Variants in DNAL1 observed in about 807,000 individuals in gnomAD.
DNAL1 encodes the protein dynein axonemal light chain 1, also known as chromosome 14 open reading frame 168.
Under a neutral mutation model 29.4 loss-of-function variants are expected in DNAL1, and 17 were observed. That is an observed-to-expected ratio of 0.58 (90% CI 0.40 to 0.87). The LOEUF is 0.87. Ranked by LOEUF, DNAL1 falls within the 40% of genes least tolerant of loss-of-function variation. DNAL1 has a pLI of 0.00. For synonymous variants in DNAL1, 78 were observed against 76.3 expected, an observed-to-expected ratio of 1.02 and a Z score of -0.12; for missense variants, 188 against 214.1, an observed-to-expected ratio of 0.88 and a Z score of 0.76.
At chr14:73,676,083 T>TC (rs1299743530) in intron 5 of DNAL1, among the ~76,000 whole-genome samples, 1 of 150,452 alleles carries the variant, frequency 6.6e-6, no homozygotes, top group Non-Finnish European at 1.5e-5. Flanking sequence ...AAATTTTAAT[T>TC]CTAGGCCAGG....
chr14:73,683,369 G>A (rs1891937356), intron 5 of DNAL1, among the ~76,000 whole-genome samples: 1 of 152,120 alleles, frequency 6.6e-6, no homozygotes, highest in Non-Finnish European at 1.5e-5. Context: ...AAACTTGAAT[G>A]CCTTGTGCTA....
intron 4 of DNAL1, among the ~76,000 whole-genome samples, chr14:73,666,246 T>C (rs550742051): frequency 4.6e-5 from 7 of 152,174 alleles, no homozygotes; most frequent in Non-Finnish European, 1.0e-4. Context: ...AACAGGTGAT[T>C]TATCAGGCAG....
At chr14:73,659,313 C>T (rs111279530) in intron 3 of DNAL1, among the ~76,000 whole-genome samples, 1 of 151,872 alleles carries the variant, frequency 6.6e-6, no homozygotes, top group African/African-American at 2.4e-5. Flanking sequence ...AAGGCACATG[C>T]CACCACGCCC....
intron 7 of DNAL1, among the ~76,000 whole-genome samples, chr14:73,691,850 C>T (rs577659684): frequency 1.4e-4 from 19 of 138,026 alleles, no homozygotes; most frequent in African/African-American, 4.6e-4. Context: ...TGCGCCACCC[C>T]CCCCCCCCAG....
chr14:73,673,550 G>C (rs987344247), intron 5 of DNAL1, among the ~76,000 whole-genome samples: 1 of 152,046 alleles, frequency 6.6e-6, no homozygotes, highest in African/African-American at 2.4e-5. Flanking sequence ...TCTTTCCAGG[G>C]TGTAATGTGG....
rs1892365938 is a variant in DNAL1, at chr14:73,698,939, C to T, written c.*2997C>T. ...GTTCTCTGTTAATAAGAATTTGTTC[C>T]TTTAAACCAGAGGATCAACCTTGGA... On this transcript the variant is annotated 3_prime_UTR_variant, in exon 8 of 8. Transcript: ENST00000553645. 6.6e-6 allele frequency: 1 copy of T among 152,146 alleles called. No individual in the cohort carries two copies. The highest frequency in any genetic ancestry group is 2.4e-5 in the African/African-American group (1 of 41,418). 9.4% of individuals were successfully genotyped at this position (152,146 alleles called of 1,614,324 possible).
intron 1 of DNAL1, among the ~76,000 whole-genome samples, chr14:73,652,434 G>T (rs962761616): frequency 8.6e-5 from 13 of 151,804 alleles, no homozygotes. Context: ...GTGCCACCAC[G>T]GTCTAATTTT....
chr14:73,662,150 T>C, intron 4 of DNAL1, 108 bp downstream of exon 4: 1 of 910,130 alleles, frequency 1.1e-6, no homozygotes, highest in South Asian at 1.6e-5. Flanking sequence ...TAGCCATACT[T>C]GTTGTCAGAT....
chr14:73,661,264 T>A (rs182174934), intron 3 of DNAL1, among the ~76,000 whole-genome samples: 5 of 152,314 alleles, frequency 3.3e-5, no homozygotes, highest in Admixed American at 3.3e-4. Context: ...TTTGTTTTAG[T>A]GGCAGCTTAG....
chr14:73,684,244 T>C (rs1361595389), intron 5 of DNAL1, among the ~76,000 whole-genome samples: 1 of 152,236 alleles, frequency 6.6e-6, no homozygotes, highest in African/African-American at 2.4e-5. Flanking sequence ...TGAATAGTGC[T>C]GCAGTAAACA....
intron 5 of DNAL1, among the ~76,000 whole-genome samples, chr14:73,679,995 GTTTC>G (rs1459604826): frequency 6.6e-6 from 1 of 151,742 alleles, no homozygotes; most frequent in Non-Finnish European, 1.5e-5. Flanking sequence ...TGGATGGTCA[GTTTC>G]TTTCTGTTTG....
At chr14:73,645,251 G>A (rs1253572421) in intron 1 of DNAL1, among the ~76,000 whole-genome samples, 3 of 152,214 alleles carry the variant, frequency 2.0e-5, no homozygotes, top group Non-Finnish European at 2.9e-5. Flanking sequence ...TGGATCGGAG[G>A]TTGGGTTAAG....
At chr14:73,684,911 T>A (rs1891977918) in intron 5 of DNAL1, among the ~76,000 whole-genome samples, 1 of 146,828 alleles carries the variant, frequency 6.8e-6, no homozygotes, top group Non-Finnish European at 1.5e-5. Context: ...AAAAACAAAC[T>A]AAAAAAATAG....
chr14:73,660,528 A>C (rs1291583904), intron 3 of DNAL1, among the ~76,000 whole-genome samples: 2 of 152,234 alleles, frequency 1.3e-5, no homozygotes, highest in African/African-American at 2.4e-5. Flanking sequence ...TTATAGAAAC[A>C]GAATATTTGC....
intron 7 of DNAL1, among the ~76,000 whole-genome samples, chr14:73,693,824 CTGA>C (rs1212372646): frequency 6.6e-6 from 1 of 152,092 alleles, no homozygotes; most frequent in African/African-American, 2.4e-5. Flanking sequence ...TTTGGGGGTT[CTGA>C]TAATCTTTCT....
At chr14:73,671,696 G>A (rs1051254891) in intron 5 of DNAL1, 99 bp downstream of exon 5, 4 of 1,242,082 alleles carry the variant, frequency 3.2e-6, no homozygotes, top group Non-Finnish European at 4.2e-6. Flanking sequence ...TAGGTCAAAA[G>A]GTATCAGTTT....
intron 5 of DNAL1, among the ~76,000 whole-genome samples, chr14:73,685,643 T>C (rs148721178): frequency 0.015 from 2,249 of 151,974 alleles, 45 homozygotes; most frequent in South Asian, 0.11. Context: ...TATATTTTTA[T>C]TAGAGATGGG....
chr14:73,694,901 C>G (rs1892267024), intron 7 of DNAL1, among the ~76,000 whole-genome samples: 1 of 152,022 alleles, frequency 6.6e-6, no homozygotes, highest in African/African-American at 2.4e-5. Context: ...GTTCGCCAGG[C>G]TGGTCTCGAA....
chr14:73,652,419 G>T (rs1188365360), intron 1 of DNAL1, among the ~76,000 whole-genome samples: 2 of 151,892 alleles, frequency 1.3e-5, no homozygotes, highest in Admixed American at 6.6e-5. Context: ...GTGCCACCAC[G>T]CCCAGTGCCA....
Sources: gnomAD v4.1 joint callset for allele counts (sites outside exome capture counted in the v4.1 genomes callset) on GRCh38, gnomAD v4.1.1 for gene constraint, MANE v1.5 for transcripts, NCBI Gene and HGNC (gene_info 2026-07-23, HGNC 2026-07-21) for gene names.